Variants in MANEA observed in about 807,000 individuals in gnomAD.
The protein encoded by MANEA is glycoprotein endo-alpha-1,2-mannosidase.
A neutral mutation model predicts 36.8 loss-of-function variants in MANEA; 25 were observed. That is an observed-to-expected ratio of 0.68 (90% CI 0.50 to 0.95). The LOEUF (loss-of-function observed/expected upper bound fraction) is 0.95, where lower values mean the gene tolerates loss of function less well. MANEA is among the 40% of genes least tolerant of loss of function. The probability of loss-of-function intolerance (pLI) is 0.00; values close to 1 mark genes in which losing one functional copy is unlikely to be tolerated. For synonymous variants in MANEA, 198 were observed against 188.5 expected, an observed-to-expected ratio of 1.05 and a Z score of -0.41; for missense variants, 565 against 558.8, an observed-to-expected ratio of 1.01 and a Z score of -0.11.
intron 2 of MANEA, among the ~76,000 whole-genome samples, chr6:95,591,403 T>G (rs1429934912): frequency 6.6e-6 from 1 of 152,134 alleles, no homozygotes; most frequent in Non-Finnish European, 1.5e-5. Context: ...TTTCTTTTTT[T>G]CTTCTTTTTC....
rs1450052354 is a variant in MANEA, at chr6:95,605,832, T to C, written c.816T>C (p.Ile272=). 6.2e-7 allele frequency: 1 copy of C among 1,613,932 alleles called. No homozygotes were observed. Among genetic ancestry groups the C allele is most frequent in the East Asian group, 2.2e-5 (1 of 44,868 alleles). ...LPMFYVYDSY[I]TKPEKWANLL... is the part of the protein sequence containing the mutation. ...TGTTTTATGTCTATGATTCCTATAT[T>C]ACCAAGCCTGAAAAATGGGCCAATC... is the stretch of plus-strand genomic sequence containing the variant. The change falls in exon 5 of 5, where the codon ATT becomes ATC. Residue 272 remains isoleucine (I), a synonymous_variant. Coordinates refer to ENST00000358812, the MANE Select transcript of MANEA (RefSeq NM_024641.4).
intron 1 of MANEA, among the ~76,000 whole-genome samples, chr6:95,579,246 G>T (rs1025208515): frequency 1.3e-5 from 2 of 152,112 alleles, no homozygotes; most frequent in African/African-American, 2.4e-5. Context: ...CGTAGCGTGC[G>T]CCTGTAGTCC....
chr6:95,586,313 G>A (rs944759046), intron 1 of MANEA, 89 bp from the exon 2 acceptor site: 46 of 724,400 alleles, frequency 6.4e-5, no homozygotes, highest in Non-Finnish European at 9.8e-5. Context: ...TCAATGTAAT[G>A]AAATTTATGG....
At chr6:95,599,342 G>A (rs1283533049) in intron 3 of MANEA, among the ~76,000 whole-genome samples, 1 of 151,854 alleles carries the variant, frequency 6.6e-6, no homozygotes, top group Non-Finnish European at 1.5e-5. Flanking sequence ...CTTGAACCTG[G>A]GAGGCAGAGA....
chr6:95,605,031 ATTG>A, intron 4 of MANEA, 128 bp downstream of exon 4: 1 of 392,088 alleles, frequency 2.6e-6, no homozygotes, highest in Non-Finnish European at 4.6e-6. Context: ...ATAAAATTAA[ATTG>A]TTATTGTAAT....
rs1212011219 is a variant in MANEA, at chr6:95,603,006, G to A, written c.655-1821G>A. On this transcript the variant is annotated intron_variant, in intron 3 of 4. Coordinates refer to ENST00000358812, the MANE Select transcript of MANEA (RefSeq NM_024641.4). ...CTGCAGTCCGCAGTCCGGCCTGGGC[G>A]ACAGAGCGAGACTCCGTCTCAAAAA... is the stretch of plus-strand genomic sequence containing the variant. 4.4e-5 allele frequency among the ~76,000 whole-genome samples: 5 copies of A among 114,274 alleles called. No individual in the cohort carries two copies. In the Admixed American group the frequency reaches 5.3e-4, roughly 12 times the overall value. 75.0% of individuals were successfully genotyped at this position (114,274 alleles called of 152,430 possible).
chr6:95,594,018 T>C (rs6568958), intron 2 of MANEA, among the ~76,000 whole-genome samples: 123,668 of 151,596 alleles, frequency 0.82, 51,159 homozygotes, highest in African/African-American at 0.95. Flanking sequence ...GCTGAGATTG[T>C]GCCACTGCAC....
chr6:95,595,079 T>C (rs1769459172), intron 2 of MANEA, among the ~76,000 whole-genome samples: 1 of 152,204 alleles, frequency 6.6e-6, no homozygotes. Flanking sequence ...TTTTTACTTT[T>C]ATGGAAGAAT....
chr6:95,582,139 A>C (rs1272628353), intron 1 of MANEA, among the ~76,000 whole-genome samples: 2 of 150,614 alleles, frequency 1.3e-5, no homozygotes, highest in African/African-American at 4.9e-5. Flanking sequence ...TCAGGACAAC[A>C]AATTACAGTG....
At chr6:95,603,132 A>AT (rs1769631202) in intron 3 of MANEA, among the ~76,000 whole-genome samples, 1 of 151,750 alleles carries the variant, frequency 6.6e-6, no homozygotes, top group South Asian at 2.1e-4. Flanking sequence ...TATCAATACT[A>AT]TATTTACTTT....
intron 2 of MANEA, among the ~76,000 whole-genome samples, chr6:95,591,582 C>T (rs1444922104): frequency 6.6e-6 from 1 of 151,068 alleles, no homozygotes; most frequent in Non-Finnish European, 1.5e-5. Context: ...GCAGTCTAAA[C>T]ATGGTATGGT....
intron 2 of MANEA, among the ~76,000 whole-genome samples, chr6:95,591,127 T>C (rs1206539860): frequency 2.0e-5 from 3 of 152,250 alleles, no homozygotes; most frequent in African/African-American, 7.2e-5. Context: ...TTTTTCACAG[T>C]GATTAAAAGT....
intron 4 of MANEA, 100 bp downstream of exon 4, chr6:95,605,003 A>G (rs1454852815): frequency 2.3e-6 from 1 of 429,870 alleles, no homozygotes; most frequent in Non-Finnish European, 4.1e-6. Flanking sequence ...TGAATGATTT[A>G]TGATTATTCC....
chr6:95,597,031 G>T (rs1241930404), intron 3 of MANEA, among the ~76,000 whole-genome samples, 185 bp downstream of exon 3: 1 of 151,772 alleles, frequency 6.6e-6, no homozygotes, highest in Non-Finnish European at 1.5e-5. Flanking sequence ...ATATTTTAGA[G>T]ATTCTTTACT....
intron 3 of MANEA, among the ~76,000 whole-genome samples, chr6:95,604,061 G>GTGTGTGTGTGTGT (rs1769656129): frequency 1.4e-5 from 2 of 138,320 alleles, no homozygotes; most frequent in Non-Finnish European, 3.1e-5. Flanking sequence ...TATGTATGTA[G>GTGTGTGTGTGTGT]GTGTGTGTGT....
intron 3 of MANEA, among the ~76,000 whole-genome samples, chr6:95,600,647 G>A (rs1769570431): frequency 6.6e-6 from 1 of 152,148 alleles, no homozygotes; most frequent in African/African-American, 2.4e-5. Context: ...AATCTGATAG[G>A]AAAAGATTAA....
intron 4 of MANEA, 136 bp from the exon 5 acceptor site, chr6:95,605,612 T>C: frequency 1.6e-6 from 1 of 626,868 alleles, no homozygotes; most frequent in Non-Finnish European, 2.8e-6. Context: ...TTATTACACT[T>C]ACACAACTGA....
chr6:95,581,979 A>G (rs1219159894), intron 1 of MANEA, among the ~76,000 whole-genome samples: 2 of 151,982 alleles, frequency 1.3e-5, no homozygotes, highest in African/African-American at 2.4e-5. Flanking sequence ...ATTTCCTTCT[A>G]TGTGTATCTT....
At chr6:95,592,982 G>A (rs1050614338) in intron 2 of MANEA, among the ~76,000 whole-genome samples, 8 of 152,184 alleles carry the variant, frequency 5.3e-5, no homozygotes, top group African/African-American at 1.9e-4. Flanking sequence ...GTGGCATGGA[G>A]GGGTGACATG....
Sources: allele counts gnomAD v4.1 joint callset (sites outside exome capture counted in the v4.1 genomes callset), GRCh38; gene constraint gnomAD v4.1.1; transcripts MANE v1.5; gene names NCBI Gene and HGNC (gene_info 2026-07-23, HGNC 2026-07-21).